EPHA5: variants seen among roughly 807,000 people sequenced by gnomAD.
The protein encoded by EPHA5 is EPH receptor A5.
Under a neutral mutation model 105.0 loss-of-function variants are expected in EPHA5, and 60 were observed. That is an observed-to-expected ratio of 0.57 (90% CI 0.46 to 0.71). The LOEUF is 0.71. Ranked by LOEUF, EPHA5 falls within the 30% of genes least tolerant of loss-of-function variation. The pLI, the probability that EPHA5 is intolerant of heterozygous loss-of-function variation, is 0.00. For missense variants in EPHA5, 1,218 were observed against 1,274.7 expected (o/e 0.96, Z 0.68); for synonymous variants, 513 against 449.1 (o/e 1.14, Z -1.80).
At chr4:65,578,326 AT>A (rs1741272053) in intron 3 of EPHA5, among the ~76,000 whole-genome samples, 1 of 152,172 alleles carries the variant, frequency 6.6e-6, no homozygotes, top group Admixed American at 6.6e-5. Flanking sequence ...GCTAAAAAAA[AT>A]GATGGTTATG....
At chr4:65,370,851 C>T (rs1005753854) in intron 8 of EPHA5, among the ~76,000 whole-genome samples, 2 of 152,030 alleles carry the variant, frequency 1.3e-5, no homozygotes, top group Non-Finnish European at 2.9e-5. Flanking sequence ...GTTCTGGAAC[C>T]TCCCGAAGCA....
rs1358001965 is a variant in EPHA5, at chr4:65,365,037, A to G, written c.2153T>C (p.Leu718Ser). 1 of 1,610,868 alleles carries G rather than the reference A, an allele frequency of 6.2e-7. No individual in the cohort carries two copies. The highest frequency in any genetic ancestry group is 2.2e-5 in the East Asian group (1 of 44,744). The change falls in exon 11 of 17, where the codon TTA becomes TCA. Residue 718 changes from leucine (L) to serine (S), a missense_variant. Physicochemically the swap from Leu to Ser is moderately radical, Grantham distance 145 (BLOSUM62 -2). This residue lies in a region of EPHA5 where 971 missense variants were observed against 1,013.5 expected (regional missense o/e 0.96). Coordinates refer to ENST00000613740, the MANE Select transcript of EPHA5 (RefSeq NM_001281766.3). ...CTTACTTTTGGTCACCACACCTTCTAAATGGATGATGTTAGGATGATCAAA... is the reference window on the plus strand; with the variant it reads ...CTTACTTTTGGTCACCACACCTTCTGAATGGATGATGTTAGGATGATCAAA... ...GQFDHPNIIH[L>S]EGVVTKSKPV... is the part of the protein sequence containing the mutation.
At chr4:65,597,386 C>T (rs1321904855) in intron 3 of EPHA5, among the ~76,000 whole-genome samples, 5 of 151,916 alleles carry the variant, frequency 3.3e-5, no homozygotes, top group Admixed American at 2.6e-4. Context: ...AACTCAATTA[C>T]TTCTGTCAAA....
chr4:65,591,603 TA>T (rs1389487922), intron 3 of EPHA5, among the ~76,000 whole-genome samples: 3 of 146,502 alleles, frequency 2.0e-5, no homozygotes, highest in East Asian at 1.9e-4. Context: ...ATTTTAATTT[TA>T]TTTTTTTTAA....
At chr4:65,477,400 G>A (rs767799039) in intron 5 of EPHA5, among the ~76,000 whole-genome samples, 8 of 151,728 alleles carry the variant, frequency 5.3e-5, no homozygotes, top group Non-Finnish European at 1.0e-4. Flanking sequence ...CATGTTTTTT[G>A]TTTGTTTTTT....
chr4:65,581,002 C>G (rs1741564016), intron 3 of EPHA5, among the ~76,000 whole-genome samples: 2 of 151,786 alleles, frequency 1.3e-5, no homozygotes, highest in South Asian at 4.1e-4. Flanking sequence ...TCCATTGCCT[C>G]TATCTTTGGT....
rs148412663 is a variant in EPHA5 at position 65,657,651 on chromosome 4, T to C, written c.181+11911A>G. Among the ~76,000 whole-genome samples the C allele has an allele frequency of 3.1e-3, 470 of 152,270 alleles. 1 individual carries two copies. Among genetic ancestry groups the C allele is most frequent in the Non-Finnish European group, 4.9e-3 (336 of 68,016 alleles). ...CAGAGATTCTGAACTCTATTGGTTATGGATTTATGAAAAGAGCTATGTTGG... is the reference window on the plus strand; with the variant it reads ...CAGAGATTCTGAACTCTATTGGTTACGGATTTATGAAAAGAGCTATGTTGG... On this transcript the variant is annotated intron_variant, in intron 1 of 16. Coordinates refer to ENST00000613740, the MANE Select transcript of EPHA5 (RefSeq NM_001281766.3).
chr4:65,423,670 T>G (rs769376499), intron 5 of EPHA5, among the ~76,000 whole-genome samples: 5 of 94,288 alleles, frequency 5.3e-5, no homozygotes, highest in African/African-American at 1.0e-4. Context: ...GGTTTGTCTG[T>G]TTTTTTTTTT....
intron 8 of EPHA5, among the ~76,000 whole-genome samples, chr4:65,373,319 C>T (rs984491521): frequency 2.0e-5 from 3 of 151,892 alleles, no homozygotes. Context: ...CCACAAAGCA[C>T]TTTAAATGGA....
At chr4:65,409,018 G>T (rs1420181102) in intron 7 of EPHA5, among the ~76,000 whole-genome samples, 19 of 148,238 alleles carry the variant, frequency 1.3e-4, no homozygotes, top group South Asian at 6.5e-4. Flanking sequence ...CATAAAAAAA[G>T]GATGAGTTCA....
chr4:65,399,040 A>G (rs1357772643), intron 8 of EPHA5, among the ~76,000 whole-genome samples: 1 of 152,170 alleles, frequency 6.6e-6, no homozygotes, highest in Non-Finnish European at 1.5e-5. Flanking sequence ...GCTGGCAATG[A>G]GAAGGAGAGA....
intron 3 of EPHA5, among the ~76,000 whole-genome samples, chr4:65,503,908 T>TACACACACACACAC (rs34693427): frequency 2.1e-5 from 3 of 145,444 alleles, no homozygotes; most frequent in South Asian, 2.2e-4. Flanking sequence ...ATGTGTGTGA[T>TACACACACACACAC]ACACACACAC....
At chr4:65,585,561 T>C (rs1742038324) in intron 3 of EPHA5, among the ~76,000 whole-genome samples, 1 of 151,776 alleles carries the variant, frequency 6.6e-6, no homozygotes, top group South Asian at 2.1e-4. Flanking sequence ...AAAGCTGAAA[T>C]GGCAGGATAC....
chr4:65,446,422 G>A (rs1437814078), intron 5 of EPHA5, among the ~76,000 whole-genome samples: 1 of 152,056 alleles, frequency 6.6e-6, no homozygotes, highest in Non-Finnish European at 1.5e-5. Context: ...ACAGGAAAAG[G>A]AAAACAAGCA....
intron 5 of EPHA5, among the ~76,000 whole-genome samples, chr4:65,475,186 T>G (rs74646879): frequency 0.015 from 2,285 of 152,302 alleles, 32 homozygotes; most frequent in Non-Finnish European, 0.024. Context: ...ATTATTCAAT[T>G]TTTTAATTCT....
intron 14 of EPHA5, among the ~76,000 whole-genome samples, chr4:65,341,151 G>A (rs1721678610): frequency 6.6e-6 from 1 of 152,016 alleles, no homozygotes; most frequent in Admixed American, 6.6e-5. Flanking sequence ...GCCTAGATTA[G>A]CCTATGGATT....
At chr4:65,503,294 A>T (rs1230485994) in intron 3 of EPHA5, among the ~76,000 whole-genome samples, 1 of 151,822 alleles carries the variant, frequency 6.6e-6, no homozygotes, top group Admixed American at 6.6e-5. Context: ...ATTATTTTTT[A>T]AAAATGTCTT....
intron 3 of EPHA5, among the ~76,000 whole-genome samples, chr4:65,528,453 T>G (rs1254797162): frequency 6.6e-6 from 1 of 151,874 alleles, no homozygotes; most frequent in African/African-American, 2.4e-5. Flanking sequence ...CCTCCTCCTA[T>G]CCTTAAGAGA....
At chr4:65,325,532 C>T (rs1719995944) in intron 16 of EPHA5, among the ~76,000 whole-genome samples, 1 of 151,122 alleles carries the variant, frequency 6.6e-6, no homozygotes, top group South Asian at 2.1e-4. Context: ...GAATATTAAA[C>T]AGTAAGCTTA....
Sources: gnomAD v4.1 joint callset for allele counts (sites outside exome capture counted in the v4.1 genomes callset) on GRCh38, gnomAD v4.1.1 for gene constraint, gnomAD v4.1.1 regional missense constraint, MANE v1.5 for transcripts, NCBI Gene and HGNC (gene_info 2026-07-23, HGNC 2026-07-21) for gene names.